Variants in TNFSF4 observed in about 807,000 individuals in gnomAD.
The protein encoded by TNFSF4 is tumor necrosis factor ligand superfamily member 4.
A neutral mutation model predicts 7.3 loss-of-function variants in TNFSF4; 4 were observed. The ratio of observed to expected loss-of-function variants is 0.55; its 90% CI spans 0.27 to 1.25. TNFSF4 has a LOEUF of 1.25. TNFSF4 is among the 50% of genes most tolerant of loss of function. The pLI is 0.12. For synonymous variants in TNFSF4, 76 were observed against 83.7 expected (o/e 0.91, Z 0.50); for missense variants, 181 against 208.8 (o/e 0.87, Z 0.82).
chr1:173,242,371 G>A, the TNFSF4 span, among the ~76,000 whole-genome samples: 3 of 152,126 alleles, frequency 2.0e-5, no homozygotes, highest in Non-Finnish European at 2.9e-5. Context: ...CAGGACAGAG[G>A]AAACAGAAAA....
chr1:173,225,366 C>T, the TNFSF4 span, among the ~76,000 whole-genome samples: 1 of 152,150 alleles, frequency 6.6e-6, no homozygotes, highest in Non-Finnish European at 1.5e-5. Context: ...AATGGAAAAT[C>T]ATAAATAATC....
the TNFSF4 span, among the ~76,000 whole-genome samples, chr1:173,403,299 C>T: frequency 1.3e-5 from 2 of 152,150 alleles, no homozygotes; most frequent in Non-Finnish European, 2.9e-5. Context: ...CTAGAAATGC[C>T]ATCTGTTATC....
At chr1:173,304,778 G>C in the TNFSF4 span, among the ~76,000 whole-genome samples, 1 of 151,982 alleles carries the variant, frequency 6.6e-6, no homozygotes, top group Non-Finnish European at 1.5e-5. Flanking sequence ...ATCTGGGAGA[G>C]AGGACAAAGA....
At chr1:173,448,667 A>G in the TNFSF4 span, among the ~76,000 whole-genome samples, 1 of 152,170 alleles carries the variant, frequency 6.6e-6, no homozygotes, top group African/African-American at 2.4e-5. Flanking sequence ...AGCCAGGAAA[A>G]GGACTTTCAC....
the TNFSF4 span, among the ~76,000 whole-genome samples, chr1:173,419,907 G>T: frequency 2.0e-5 from 3 of 151,560 alleles, no homozygotes; most frequent in East Asian, 1.9e-4. Context: ...TTGTGTGGCG[G>T]GGGGGGGGAT....
At chr1:173,369,474 C>T in the TNFSF4 span, among the ~76,000 whole-genome samples, 95,887 of 151,952 alleles carry the variant, frequency 0.63, 30,445 homozygotes, top group Admixed American at 0.69. Flanking sequence ...CTAGTGTTTC[C>T]GCTGCTGCTT....
At chr1:173,225,070 C>T in the TNFSF4 span, among the ~76,000 whole-genome samples, 1 of 152,152 alleles carries the variant, frequency 6.6e-6, no homozygotes, top group African/African-American at 2.4e-5. Context: ...GGTATAGAGA[C>T]TTTAACCAAC....
the TNFSF4 span, among the ~76,000 whole-genome samples, chr1:173,347,886 G>A: frequency 6.6e-6 from 1 of 152,192 alleles, no homozygotes; most frequent in Non-Finnish European, 1.5e-5. Flanking sequence ...GACGCCAGTA[G>A]CTCCCTTCTT....
chr1:173,180,639 TTTA>T (rs998651924), downstream of TNFSF4, among the ~76,000 whole-genome samples: 3 of 152,180 alleles, frequency 2.0e-5, no homozygotes, highest in Admixed American at 6.5e-5. Flanking sequence ...ATGAGAATTG[TTTA>T]TTACTTACCT....
chr1:173,370,891 C>T, the TNFSF4 span, among the ~76,000 whole-genome samples: 2 of 152,162 alleles, frequency 1.3e-5, no homozygotes, highest in African/African-American at 2.4e-5. Context: ...GGCTTGTTAT[C>T]AGTGTGGTTT....
At chr1:173,248,200 A>G in the TNFSF4 span, among the ~76,000 whole-genome samples, 2 of 151,766 alleles carry the variant, frequency 1.3e-5, no homozygotes, top group Admixed American at 6.6e-5. Flanking sequence ...TGAAAAATGC[A>G]AAAAAAATTA....
chr1:173,260,409 G>A, the TNFSF4 span, among the ~76,000 whole-genome samples: 8 of 152,250 alleles, frequency 5.3e-5, no homozygotes, highest in East Asian at 1.5e-3. Context: ...GCAGACCAAT[G>A]ACACTATGAA....
chr1:173,411,378 T>C, the TNFSF4 span, among the ~76,000 whole-genome samples: 1 of 152,224 alleles, frequency 6.6e-6, no homozygotes. Flanking sequence ...TTATTTTTCA[T>C]GTCTTCACCT....
chr1:173,304,231 AC>A, the TNFSF4 span, among the ~76,000 whole-genome samples: 2 of 151,912 alleles, frequency 1.3e-5, no homozygotes, highest in Admixed American at 1.3e-4. Context: ...GAAAAATAAA[AC>A]CTTTATTGCA....
the TNFSF4 span, among the ~76,000 whole-genome samples, chr1:173,223,888 C>G: frequency 1.3e-5 from 2 of 152,136 alleles, no homozygotes; most frequent in Non-Finnish European, 2.9e-5. Flanking sequence ...GAAAGCAGAA[C>G]GTGGGACAGT....
At chr1:173,408,025 C>T in the TNFSF4 span, among the ~76,000 whole-genome samples, 1 of 152,108 alleles carries the variant, frequency 6.6e-6, no homozygotes, top group Non-Finnish European at 1.5e-5. Context: ...CACAGGCAAA[C>T]CCTCATCAGA....
At chr1:173,221,558 C>T in the TNFSF4 span, among the ~76,000 whole-genome samples, 13 of 152,278 alleles carry the variant, frequency 8.5e-5, no homozygotes, top group African/African-American at 3.1e-4. Flanking sequence ...TCAACGATAA[C>T]TTGTACATCA....
At chr1:173,316,254 C>G in the TNFSF4 span, among the ~76,000 whole-genome samples, 1 of 152,002 alleles carries the variant, frequency 6.6e-6, no homozygotes, top group Admixed American at 6.6e-5. Context: ...ATTAGTTTAA[C>G]TCTAATAATC....
At chr1:173,257,979 T>C in the TNFSF4 span, among the ~76,000 whole-genome samples, 3 of 152,258 alleles carry the variant, frequency 2.0e-5, no homozygotes, top group African/African-American at 4.8e-5. Context: ...TCCTGAGTCA[T>C]TCGTTAGCAG....
Sources: allele counts gnomAD v4.1 joint callset (sites outside exome capture counted in the v4.1 genomes callset), GRCh38; gene constraint gnomAD v4.1.1; transcripts MANE v1.5; gene names NCBI Gene and HGNC (gene_info 2026-07-23, HGNC 2026-07-21).